The following COL19A1 variants were observed in gnomAD, a reference collection of about 807,000 sequenced individuals.
COL19A1 encodes collagen type XIX alpha 1 chain, also known as collagen alpha-1(XIX) chain.
A neutral mutation model predicts 190.2 loss-of-function variants in COL19A1; 159 were observed. That is an observed-to-expected ratio of 0.84 (90% CI 0.73 to 0.95). COL19A1 has a LOEUF of 0.95. Ranked by LOEUF, COL19A1 falls within the 40% of genes least tolerant of loss-of-function variation. The pLI is 0.00. For missense variants in COL19A1, 1,418 were observed against 1,431.9 expected (o/e 0.99, Z 0.16); for synonymous variants, 509 against 458.9 (o/e 1.11, Z -1.39).
intron 41 of COL19A1, among the ~76,000 whole-genome samples, chr6:70,175,211 C>G (rs368584654): frequency 6.6e-6 from 1 of 152,108 alleles, no homozygotes; most frequent in African/African-American, 2.4e-5. Context: ...GACATTACTT[C>G]TATCTCATGT....
rs137990229 is a variant in COL19A1 at position 70,089,015 on chromosome 6, C to G, written c.1225-13154C>G. 2.6e-3 allele frequency among the ~76,000 whole-genome samples: 390 copies of G among 152,206 alleles called. 2 individuals carry two copies. Among genetic ancestry groups the G allele is most frequent in the African/African-American group, 8.8e-3 (366 of 41,536 alleles). ...TCAGGAGCTCAAACATCTAAATGAA[C>G]GTATGAATATTGCCATGTAATTTTA... is the stretch of plus-strand genomic sequence containing the variant. On this transcript the variant is annotated intron_variant, in intron 15 of 50. Transcript: ENST00000620364.
intron 2 of COL19A1, among the ~76,000 whole-genome samples, chr6:69,896,975 G>A (rs1395574999): frequency 6.6e-6 from 1 of 152,064 alleles, no homozygotes; most frequent in Non-Finnish European, 1.5e-5. Flanking sequence ...TTTGAGTAAA[G>A]ATGTTAATTT....
At chr6:69,883,689 G>A (rs767298889) in intron 2 of COL19A1, among the ~76,000 whole-genome samples, 68 of 152,102 alleles carry the variant, frequency 4.5e-4, no homozygotes, top group Non-Finnish European at 4.0e-4. Flanking sequence ...TATTTTGCAC[G>A]ATGACTGTAA....
At chr6:70,159,193 C>T (rs1045002320) in intron 34 of COL19A1, among the ~76,000 whole-genome samples, 5 of 150,410 alleles carry the variant, frequency 3.3e-5, no homozygotes, top group African/African-American at 1.2e-4. Flanking sequence ...TATGCATGTA[C>T]ATATAGAAAG....
chr6:70,107,239 A>G, intron 16 of COL19A1, among the ~76,000 whole-genome samples: 1 of 152,142 alleles, frequency 6.6e-6, no homozygotes, highest in East Asian at 1.9e-4. Flanking sequence ...TTCCTCAAAC[A>G]TCATACCTAG....
At chr6:69,966,152 G>A (rs1038743030) in intron 11 of COL19A1, among the ~76,000 whole-genome samples, 3 of 152,128 alleles carry the variant, frequency 2.0e-5, no homozygotes, top group African/African-American at 4.8e-5. Flanking sequence ...CCGGGAGGTG[G>A]GGGGCAGCCC....
intron 4 of COL19A1, among the ~76,000 whole-genome samples, chr6:69,926,898 G>A (rs1009130088): frequency 2.0e-5 from 3 of 152,044 alleles, no homozygotes; most frequent in African/African-American, 7.2e-5. Flanking sequence ...CAGAAAACAA[G>A]AAGTTCTCAA....
At chr6:70,106,313 A>T (rs1454852829) in intron 16 of COL19A1, among the ~76,000 whole-genome samples, 1 of 144,084 alleles carries the variant, frequency 6.9e-6, no homozygotes, top group Non-Finnish European at 1.5e-5. Context: ...ATTTCTGACA[A>T]ATAGCTAAGT....
At chr6:70,125,447 A>T (rs1785139419) in intron 17 of COL19A1, among the ~76,000 whole-genome samples, 1 of 152,072 alleles carries the variant, frequency 6.6e-6, no homozygotes, top group Non-Finnish European at 1.5e-5. Context: ...CGGTCCCAGG[A>T]TCCTCACTTG....
chr6:70,096,263 A>AT (rs35582806), intron 15 of COL19A1, among the ~76,000 whole-genome samples: 57,975 of 145,396 alleles, frequency 0.4, 11,589 homozygotes, highest in South Asian at 0.56. Context: ...TAATTTTTGT[A>AT]TTTTTTTTTT....
intron 15 of COL19A1, among the ~76,000 whole-genome samples, chr6:70,086,132 A>T (rs1349269610): frequency 6.6e-6 from 1 of 152,120 alleles, no homozygotes; most frequent in East Asian, 1.9e-4. Flanking sequence ...TTGCCCTATA[A>T]TATAATAAAT....
At chr6:70,178,623 T>C (rs867745906) in intron 42 of COL19A1, among the ~76,000 whole-genome samples, 4 of 152,174 alleles carry the variant, frequency 2.6e-5, no homozygotes, top group Admixed American at 6.5e-5. Flanking sequence ...GGGTAAACTT[T>C]AGGTTATGTA....
intron 34 of COL19A1, 57 bp from the exon 35 acceptor site, chr6:70,161,843 A>G: frequency 1.4e-6 from 2 of 1,428,112 alleles, no homozygotes; most frequent in Non-Finnish European, 9.6e-7. Flanking sequence ...TTGATTAACT[A>G]AAATGCCTTC....
intron 23 of COL19A1, among the ~76,000 whole-genome samples, chr6:70,143,524 G>C (rs887681005): frequency 6.6e-6 from 1 of 152,046 alleles, no homozygotes; most frequent in African/African-American, 2.4e-5. Context: ...TTCCCTCCAG[G>C]CAACTCTTAG....
chr6:69,954,114 C>G (rs114465955), intron 9 of COL19A1, among the ~76,000 whole-genome samples: 1,575 of 152,104 alleles, frequency 0.01, 32 homozygotes, highest in African/African-American at 0.035. Context: ...TGGTATCTTT[C>G]TTTTCTATCT....
At position 69,962,425 on chromosome 6, in the gene COL19A1, A is replaced by C. The variant is rs190239046; in HGVS notation, c.982-401A>C. Among the ~76,000 whole-genome samples, 5 of 152,352 alleles carry C rather than the reference A, an allele frequency of 3.3e-5. No homozygotes were observed. The East Asian group carries it at 9.6e-4, about 29-fold the overall frequency. On this transcript the variant is annotated intron_variant, in intron 10 of 50. Coordinates refer to ENST00000620364, the MANE Select transcript of COL19A1 (RefSeq NM_001858.6). ...TGCCATAGAAGTCAGCTTTCTAAGA[A>C]GGCTGTTTCCACTGAATCTAGTAAA...
intron 44 of COL19A1, among the ~76,000 whole-genome samples, chr6:70,182,532 T>G (rs931547690): frequency 6.6e-6 from 1 of 151,992 alleles, no homozygotes; most frequent in African/African-American, 2.4e-5. Context: ...TCACTGTGGA[T>G]AGGAAGGGAA....
chr6:70,175,336 T>G (rs1479434628), intron 41 of COL19A1, among the ~76,000 whole-genome samples: 1 of 152,160 alleles, frequency 6.6e-6, no homozygotes, highest in Non-Finnish European at 1.5e-5. Flanking sequence ...ATTTCTTGTT[T>G]TGGTTTTATG....
intron 42 of COL19A1, among the ~76,000 whole-genome samples, chr6:70,178,492 C>A (rs949709650): frequency 6.6e-6 from 1 of 152,264 alleles, no homozygotes; most frequent in African/African-American, 2.4e-5. Flanking sequence ...TTATAACTGG[C>A]CCTTCTGCGG....
Sources: allele counts gnomAD v4.1 joint callset (sites outside exome capture counted in the v4.1 genomes callset), GRCh38; gene constraint gnomAD v4.1.1; transcripts MANE v1.5; gene names NCBI Gene and HGNC (gene_info 2026-07-23, HGNC 2026-07-21).